Variants in IL17RD observed in about 807,000 individuals in gnomAD.
IL17RD encodes interleukin-17 receptor D.
Under a neutral mutation model 80.5 loss-of-function variants are expected in IL17RD, and 52 were observed. The ratio of observed to expected loss-of-function variants is 0.65; its 90% confidence interval spans 0.52 to 0.81. IL17RD has a LOEUF of 0.81. IL17RD is among the 40% of genes least tolerant of loss of function. The probability of loss-of-function intolerance (pLI) is 0.00; values close to 1 mark genes in which losing one functional copy is unlikely to be tolerated. For synonymous variants in IL17RD, 416 were observed against 391.8 expected (o/e 1.06, Z -0.73); for missense variants, 1,024 against 955.1 (o/e 1.07, Z -0.95).
chr3:57,149,826 C>T (rs976981681), intron 1 of IL17RD, among the ~76,000 whole-genome samples: 8 of 152,216 alleles, frequency 5.3e-5, no homozygotes, highest in African/African-American at 1.9e-4. Flanking sequence ...CTCTTCCCAG[C>T]TGTCACCAGG....
intron 3 of IL17RD, among the ~76,000 whole-genome samples, chr3:57,111,469 A>C (rs189964014): frequency 1.3e-5 from 2 of 152,298 alleles, no homozygotes; most frequent in Admixed American, 1.3e-4. Context: ...ACCACCAGAG[A>C]TTCAGACAAG....
intron 1 of IL17RD, among the ~76,000 whole-genome samples, chr3:57,132,816 CT>C (rs1016739443): frequency 3.3e-5 from 5 of 151,418 alleles, no homozygotes; most frequent in African/African-American, 7.3e-5. Context: ...AATTCTTATT[CT>C]TTTTTTTTCA....
intron 1 of IL17RD, among the ~76,000 whole-genome samples, chr3:57,160,046 C>G (rs969236492): frequency 2.0e-5 from 3 of 152,158 alleles, no homozygotes; most frequent in Non-Finnish European, 4.4e-5. Flanking sequence ...GTGGTGGACG[C>G]CTGTAATCCC....
chr3:57,123,639 T>TTCCACAGAAAATTTC (rs1432727407), intron 1 of IL17RD, among the ~76,000 whole-genome samples: 3 of 152,204 alleles, frequency 2.0e-5, no homozygotes, highest in Non-Finnish European at 2.9e-5. Flanking sequence ...AAAATGGTAG[T>TTCCACAGAAAATTTC]TCCAATTCCA....
In IL17RD at chr3:57,095,366, C is replaced by T. The variant is rs1251560752; in HGVS notation, c.*1027G>A. ...ACATTTACTTTTGTGACTATCACCT[C>T]CATTCTACCATCTTAAAAAGAGGTT... On this transcript the variant is annotated 3_prime_UTR_variant, in exon 13 of 13. Coordinates refer to ENST00000296318, the MANE Select transcript of IL17RD (RefSeq NM_017563.5). 1 of 152,216 alleles carries T rather than the reference C, an allele frequency of 6.6e-6. No homozygotes were observed. The highest frequency in any genetic ancestry group is 1.5e-5 in the Non-Finnish European group (1 of 68,036). The allele number at this position is 152,216 out of a possible 1,614,324, so 9.4% of individuals were successfully genotyped here.
In IL17RD at chr3:57,097,746, C is replaced by T; in HGVS notation, c.1957G>A (p.Gly653Ser). ...TCCCGCGGCATGTCCGAGGGGCTGC[C>T]GGCTTTCACCGTGTGCAGCAGGGGT... The part of the protein sequence containing the change: ...LQPLLHTVKA[G>S]SPSDMPRDSG... The change falls in exon 12 of 13, where the codon GGC becomes AGC. Residue 653 changes from glycine to serine, a missense_variant. Physicochemically the swap from Gly to Ser is moderately conservative, Grantham distance 56. Coordinates refer to ENST00000296318, the MANE Select transcript of IL17RD (RefSeq NM_017563.5). 1 of 1,601,588 alleles carries T rather than the reference C, an allele frequency of 6.2e-7. No individual in the cohort carries two copies. Among genetic ancestry groups the T allele is most frequent in the Non-Finnish European group, 8.5e-7 (1 of 1,173,164 alleles).
intron 10 of IL17RD, among the ~76,000 whole-genome samples, chr3:57,102,278 G>T (rs76515193): frequency 6.6e-6 from 1 of 152,156 alleles, no homozygotes; most frequent in Non-Finnish European, 1.5e-5. Context: ...CCAAGAAACA[G>T]ATATATAATG....
chr3:57,109,831 C>T (rs1233190373), intron 4 of IL17RD, among the ~76,000 whole-genome samples, 174 bp from the exon 5 acceptor site: 2 of 152,152 alleles, frequency 1.3e-5, no homozygotes, highest in African/African-American at 2.4e-5. Flanking sequence ...AGATTTGGAT[C>T]GCTTAACCAT....
intron 2 of IL17RD, among the ~76,000 whole-genome samples, chr3:57,117,014 A>G (rs1707230568): frequency 6.6e-6 from 1 of 152,054 alleles, no homozygotes; most frequent in Non-Finnish European, 1.5e-5. Context: ...AGAGCAAATA[A>G]TGGTTGTTGT....
chr3:57,154,281 T>TACACACACACACACACACACAC (rs1333665315), intron 1 of IL17RD, among the ~76,000 whole-genome samples: 34 of 133,118 alleles, frequency 2.6e-4, no homozygotes, highest in African/African-American at 1.0e-3. Flanking sequence ...TATATATATA[T>TACACACACACACACACACACAC]ATACACACAC....
intron 3 of IL17RD, among the ~76,000 whole-genome samples, chr3:57,114,029 C>T (rs1707157345): frequency 6.6e-6 from 1 of 151,014 alleles, no homozygotes; most frequent in Non-Finnish European, 1.5e-5. Context: ...ACTAAAAATA[C>T]AAAAATTAGC....
intron 2 of IL17RD, among the ~76,000 whole-genome samples, chr3:57,118,204 G>C (rs1707259167): frequency 6.6e-6 from 1 of 152,168 alleles, no homozygotes; most frequent in South Asian, 2.1e-4. Flanking sequence ...CAAGTATCAT[G>C]GATGTGCAAA....
chr3:57,114,815 A>G lies in IL17RD; in HGVS notation c.187T>C (p.Cys63Arg), dbSNP rs771272721. The change falls in exon 3 of 13, where the codon TGT becomes CGT. Residue 63 changes from cysteine (C) to arginine (R), a missense_variant and splice_region_variant. Coordinates refer to ENST00000296318, the MANE Select transcript of IL17RD (RefSeq NM_017563.5). ...LYNITFKYDN[C>R]TTYLNPVGKH... ...CCCACTGGATTCAAGTAGGTGGTACAATCTAGAGAGTAGGGAGAATGAGAA... is the reference window on the plus strand; with the variant it reads ...CCCACTGGATTCAAGTAGGTGGTACGATCTAGAGAGTAGGGAGAATGAGAA... The G allele has an allele frequency of 6.3e-7, 1 of 1,583,050 alleles. No homozygotes were observed. The highest frequency in any genetic ancestry group is 1.2e-5 in the South Asian group (1 of 85,814).
At position 57,104,384 on chromosome 3, in the gene IL17RD, G is replaced by A. The variant is rs1483318210; in HGVS notation, c.771C>T (p.Ser257=). The A allele has an allele frequency of 4.3e-6, 7 of 1,609,748 alleles. No homozygotes were observed. The highest frequency in any genetic ancestry group is 5.9e-6 in the Non-Finnish European group (7 of 1,176,936). Residue 257 remains serine, a synonymous_variant, in exon 8 of 13, where the codon AGC becomes AGT. Coordinates refer to ENST00000296318, the MANE Select transcript of IL17RD (RefSeq NM_017563.5). ...CTGGAGAAACATTTTGAAGGAGGCA[G>A]CTGGTCGTCTCTGTAGTTTGCTCCT... ...CKQEQTTETT[S]CLLQNVSPGD...
intron 10 of IL17RD, 110 bp downstream of exon 10, chr3:57,102,369 C>T (rs1287457052): frequency 4.2e-6 from 2 of 470,954 alleles, no homozygotes; most frequent in East Asian, 3.3e-5. Context: ...AGCTATGAGG[C>T]TTCCCAGGCG....
intron 2 of IL17RD, among the ~76,000 whole-genome samples, chr3:57,119,225 G>A (rs1055871655): frequency 1.3e-5 from 2 of 152,126 alleles, no homozygotes; most frequent in Admixed American, 6.6e-5. Context: ...GGTGGCAGGC[G>A]CCTGTAGTCC....
chr3:57,154,165 C>T (rs574116556), intron 1 of IL17RD, among the ~76,000 whole-genome samples: 2 of 151,508 alleles, frequency 1.3e-5, no homozygotes, highest in Non-Finnish European at 2.9e-5. Context: ...AGGAGGATTG[C>T]TGGAGCCCAG....
chr3:57,106,914 G>T (rs534277674), intron 5 of IL17RD, among the ~76,000 whole-genome samples: 9 of 152,020 alleles, frequency 5.9e-5, no homozygotes, highest in Non-Finnish European at 1.3e-4. Context: ...CCCCCAAAAA[G>T]ATACATTGAT....
At chr3:57,130,170 C>T (rs1707575580) in intron 1 of IL17RD, among the ~76,000 whole-genome samples, 1 of 152,214 alleles carries the variant, frequency 6.6e-6, no homozygotes, top group Admixed American at 6.5e-5. Context: ...CAATTTCCCC[C>T]AGAAACTTTT....
Sources: gnomAD v4.1 joint callset for allele counts (sites outside exome capture counted in the v4.1 genomes callset) on GRCh38, gnomAD v4.1.1 for gene constraint, MANE v1.5 for transcripts, NCBI Gene and HGNC (gene_info 2026-07-23, HGNC 2026-07-21) for gene names.